PCYT1B: variants seen among roughly 807,000 people sequenced by gnomAD.
The protein encoded by PCYT1B is phosphate cytidylyltransferase 1B, choline.
In PCYT1B, 10 loss-of-function variants were observed where a neutral mutation model predicts 26.4. The ratio of observed to expected loss-of-function variants is 0.38; its 90% CI spans 0.23 to 0.64. The LOEUF (loss-of-function observed/expected upper bound fraction) is 0.64. PCYT1B is among the 30% of genes least tolerant of loss of function. PCYT1B has a pLI of 0.56. For missense variants in PCYT1B, 161 were observed against 292.7 expected, an observed-to-expected ratio of 0.55 and a Z score of 3.28; for synonymous variants, 131 against 108.4, an observed-to-expected ratio of 1.21 and a Z score of -1.29.
chrX:24,668,562 T>C (rs1245174204), intron 1 of PCYT1B, among the ~76,000 whole-genome samples: 1 of 110,744 alleles, frequency 9.0e-6, no homozygotes, highest in Non-Finnish European at 1.9e-5. Context: ...CCCACAGGAG[T>C]ACCTTTTCCA....
chrX:24,637,479 TA>T (rs1201643219), intron 1 of PCYT1B, among the ~76,000 whole-genome samples: 70 of 59,438 alleles, frequency 1.2e-3, no homozygotes, highest in East Asian at 2.6e-3. Flanking sequence ...CCATCTCTAC[TA>T]AAAAAAAAAA....
chrX:24,654,104 T>C (rs757780207), intron 1 of PCYT1B, among the ~76,000 whole-genome samples: 2,230 of 78,238 alleles, frequency 0.029, 95 homozygotes, highest in African/African-American at 0.11. Flanking sequence ...TTCTTTCTTT[T>C]TTTTTTTTTT....
intron 1 of PCYT1B, among the ~76,000 whole-genome samples, chrX:24,665,280 C>T (rs980222282): frequency 1.1e-5 from 1 of 87,238 alleles, no homozygotes; most frequent in Non-Finnish European, 2.6e-5. Context: ...CCATTATACT[C>T]ATTTTATTTT....
chrX:24,634,861 TC>T (rs1926224529), intron 1 of PCYT1B, among the ~76,000 whole-genome samples: 1 of 111,718 alleles, frequency 9.0e-6, no homozygotes, highest in African/African-American at 3.3e-5. Flanking sequence ...ACCCTTCTAC[TC>T]CCTGTAAAAG....
upstream of PCYT1B, among the ~76,000 whole-genome samples, chrX:24,651,468 AAAAAATATATATATAT>A (rs1479030435): frequency 1.6e-3 from 55 of 33,931 alleles, 3 homozygotes; most frequent in African/African-American, 4.5e-3. Context: ...AAAAAAAAAA[AAAAAATATATATATAT>A]ATATATATAT....
At chrX:24,646,824 C>A (rs1274978938) in intron 1 of PCYT1B, among the ~76,000 whole-genome samples, 165 bp downstream of exon 1, 1 of 111,688 alleles carries the variant, frequency 9.0e-6, no homozygotes, top group Non-Finnish European at 1.9e-5. Flanking sequence ...GAGCAGCGCC[C>A]GGTATAGAAG....
At chrX:24,583,287 G>A (rs986392528) in intron 5 of PCYT1B, among the ~76,000 whole-genome samples, 2 of 111,609 alleles carry the variant, frequency 1.8e-5, no homozygotes, top group Non-Finnish European at 3.8e-5. Context: ...TGCCCCAGTG[G>A]CAACTGCAAC....
In PCYT1B at chrX:24,561,928, G is replaced by A; in HGVS notation, c.*365C>T. 1 of 500,643 alleles carries A rather than the reference G, an allele frequency of 2.0e-6. No individual in the cohort carries two copies. The highest frequency in any genetic ancestry group is 3.4e-6 in the Non-Finnish European group (1 of 289,953). The allele number at this position is 500,643 out of a possible 1,213,427, so 41.3% of individuals were successfully genotyped here. A position where few individuals can be genotyped will look rare whatever the true frequency, so the allele number is the denominator to read the frequency against. On this transcript the variant is annotated 3_prime_UTR_variant, in exon 8 of 8. Transcript: ENST00000379144. The stretch of plus-strand genomic sequence containing the variant: ...ATGGACGCAGAAGTAGCAGGTTGAG[G>A]GAACAGCCGCTGCCACAGGTGGTTT...
At chrX:24,594,873 A>G (rs1043572490) in intron 3 of PCYT1B, among the ~76,000 whole-genome samples, 5 of 111,168 alleles carry the variant, frequency 4.5e-5, no homozygotes, top group African/African-American at 1.6e-4. Context: ...ATAGGAATTG[A>G]GCTTGGGAGC....
At chrX:24,640,634 C>T (rs1926436993) in intron 1 of PCYT1B, among the ~76,000 whole-genome samples, 1 of 111,475 alleles carries the variant, frequency 9.0e-6, no homozygotes, top group Admixed American at 9.6e-5. Flanking sequence ...TATCCTGAGG[C>T]ACTCTTCCTA....
At position 24,558,780 on chromosome X, in the gene PCYT1B, T is replaced by C. The variant is rs1006089562; in HGVS notation, c.*3513A>G. 1 of 109,805 alleles carries C rather than the reference T, an allele frequency of 9.1e-6. No homozygotes were observed. The highest frequency in any genetic ancestry group is 3.3e-5 in the African/African-American group (1 of 30,155). 9.0% of individuals were successfully genotyped at this position (109,805 alleles called of 1,213,427 possible). ...AAGGTCCTGACACACAGGAGCATGC[T>C]TGCCAGAAGCAAGTCGTTCAGTGTG... On this transcript the variant is annotated 3_prime_UTR_variant, in exon 8 of 8. Coordinates refer to ENST00000379144, the MANE Select transcript of PCYT1B (RefSeq NM_004845.5).
At chrX:24,615,376 T>C (rs1925452768) in intron 2 of PCYT1B, among the ~76,000 whole-genome samples, 3 of 111,502 alleles carry the variant, frequency 2.7e-5, no homozygotes, top group African/African-American at 9.8e-5. Flanking sequence ...GGTGCCCAAT[T>C]TCACCCAGTT....
At chrX:24,651,471 AAATATATATATATATATATATAT>A (rs1926772963), upstream of PCYT1B, among the ~76,000 whole-genome samples, 1 of 37,543 alleles carries the variant, frequency 2.7e-5, no homozygotes, top group South Asian at 1.8e-3. Context: ...AAAAAAAAAA[AAATATATATATATATATATATAT>A]ATATATATAT....
At chrX:24,602,953 G>A (rs1199083718) in intron 3 of PCYT1B, among the ~76,000 whole-genome samples, 1 of 110,787 alleles carries the variant, frequency 9.0e-6, no homozygotes, top group Non-Finnish European at 1.9e-5. Context: ...ACAGGCACCT[G>A]CCACCATACC....
At chrX:24,643,550 G>T (rs1005311861) in intron 1 of PCYT1B, among the ~76,000 whole-genome samples, 12 of 111,725 alleles carry the variant, frequency 1.1e-4, no homozygotes, top group Non-Finnish European at 2.1e-4. Context: ...TAATGCTTTT[G>T]TTATTTCTTT....
intron 1 of PCYT1B, among the ~76,000 whole-genome samples, chrX:24,625,526 A>G (rs1249420791): frequency 9.1e-6 from 1 of 109,535 alleles, no homozygotes; most frequent in Non-Finnish European, 1.9e-5. Context: ...TGGAGAGAAG[A>G]AAAAAGAGGC....
chrX:24,669,343 C>T (rs548315424), intron 1 of PCYT1B, among the ~76,000 whole-genome samples: 1 of 108,414 alleles, frequency 9.2e-6, no homozygotes, highest in Non-Finnish European at 1.9e-5. Flanking sequence ...ATGGCGAAAC[C>T]CCGTCTCTAC....
intron 7 of PCYT1B, among the ~76,000 whole-genome samples, chrX:24,567,204 G>A (rs938715186): frequency 8.9e-5 from 10 of 112,358 alleles, no homozygotes; most frequent in Non-Finnish European, 1.3e-4. Context: ...AGAAATCTAC[G>A]ACTTGTCTAC....
intron 2 of PCYT1B, among the ~76,000 whole-genome samples, chrX:24,617,452 ATT>A: frequency 1.2e-5 from 1 of 82,737 alleles, no homozygotes; most frequent in East Asian, 3.8e-4. Flanking sequence ...TATTATTATT[ATT>A]TTTTTTTTTT....
Sources: gnomAD v4.1 joint callset for allele counts (sites outside exome capture counted in the v4.1 genomes callset) on GRCh38, gnomAD v4.1.1 for gene constraint, MANE v1.5 for transcripts, NCBI Gene and HGNC (gene_info 2026-07-23, HGNC 2026-07-21) for gene names.